COL8A1: variants seen among roughly 807,000 people sequenced by gnomAD.
COL8A1 encodes collagen alpha-1(VIII) chain.
Under a neutral mutation model 42.7 loss-of-function variants are expected in COL8A1, and 21 were observed. That is an observed-to-expected ratio of 0.49 (90% CI 0.35 to 0.71). The LOEUF (loss-of-function observed/expected upper bound fraction) is 0.71, where lower values mean the gene tolerates loss of function less well. Among genes scored for constraint, COL8A1 ranks in the 30% least tolerant of loss-of-function variants. The probability of loss-of-function intolerance (pLI) is 0.01; values close to 1 mark genes in which losing one functional copy is unlikely to be tolerated. For missense variants in COL8A1, 788 were observed against 962.4 expected (o/e 0.82, Z 2.40); for synonymous variants, 367 against 369.1 (o/e 0.99, Z 0.06).
chr3:99,765,408 A>G (rs1941445497), intron 2 of COL8A1, among the ~76,000 whole-genome samples: 1 of 152,212 alleles, frequency 6.6e-6, no homozygotes, highest in South Asian at 2.1e-4. Flanking sequence ...GAGAATCCAC[A>G]ATAATGTCGT....
intron 2 of COL8A1, among the ~76,000 whole-genome samples, chr3:99,768,415 A>G (rs1326527536): frequency 6.6e-6 from 1 of 152,214 alleles, no homozygotes; most frequent in Non-Finnish European, 1.5e-5. Context: ...GTATATGGAG[A>G]AATCTCATTT....
At chr3:99,692,262 C>A (rs1223364918) in intron 1 of COL8A1, among the ~76,000 whole-genome samples, 2 of 152,194 alleles carry the variant, frequency 1.3e-5, no homozygotes, top group African/African-American at 4.8e-5. Flanking sequence ...TCCTCAGCAA[C>A]CTGCATTTAC....
intron 1 of COL8A1, among the ~76,000 whole-genome samples, chr3:99,670,091 G>C (rs1938495352): frequency 6.6e-6 from 1 of 152,008 alleles, no homozygotes; most frequent in Non-Finnish European, 1.5e-5. Context: ...TTTTGCCTTG[G>C]TGTGAAATAT....
intron 1 of COL8A1, among the ~76,000 whole-genome samples, chr3:99,707,883 A>G (rs1335073654): frequency 6.6e-6 from 1 of 152,100 alleles, no homozygotes; most frequent in African/African-American, 2.4e-5. Context: ...CAATAACCCC[A>G]TGAGACAGAT....
chr3:99,731,100 T>A (rs1940493364), intron 1 of COL8A1, among the ~76,000 whole-genome samples: 1 of 152,080 alleles, frequency 6.6e-6, no homozygotes, highest in Admixed American at 6.6e-5. Context: ...GCAAGTTTCC[T>A]GCTTTGGAGT....
chr3:99,736,484 A>C (rs924182138), intron 1 of COL8A1, among the ~76,000 whole-genome samples: 1 of 152,022 alleles, frequency 6.6e-6, no homozygotes, highest in African/African-American at 2.4e-5. Context: ...TCATTTCGTT[A>C]TGTACCCAGT....
chr3:99,758,674 G>T (rs1323728217), intron 2 of COL8A1, among the ~76,000 whole-genome samples: 1 of 152,160 alleles, frequency 6.6e-6, no homozygotes, highest in Non-Finnish European at 1.5e-5. Flanking sequence ...TCCATGTAGA[G>T]AAGACTGGGA....
intron 1 of COL8A1, among the ~76,000 whole-genome samples, chr3:99,714,540 T>C (rs1450884774): frequency 6.6e-6 from 1 of 152,100 alleles, no homozygotes; most frequent in Non-Finnish European, 1.5e-5. Context: ...CTATTACAAC[T>C]TAAATATACT....
chr3:99,788,062 C>A (rs1291484940), intron 2 of COL8A1, among the ~76,000 whole-genome samples: 2 of 152,172 alleles, frequency 1.3e-5, no homozygotes, highest in Middle Eastern at 3.2e-3. Context: ...TATAAAGTTA[C>A]CCAAATTTGA....
intron 1 of COL8A1, among the ~76,000 whole-genome samples, chr3:99,706,580 G>A (rs1939684854): frequency 6.6e-6 from 1 of 152,100 alleles, no homozygotes; most frequent in African/African-American, 2.4e-5. Flanking sequence ...GTTACCAAAT[G>A]CCCTTTATCT....
At position 99,794,917 on chromosome 3, in the gene COL8A1, C is replaced by T; in HGVS notation, c.1016C>T (p.Pro339Leu). Reference sequence around the variant, plus strand: ...GGTGGCAAAGGGGAGCAAGGACTGCCAGGGCTACCAGGACCCCCAGGCCTT... The same window carrying T: ...GGTGGCAAAGGGGAGCAAGGACTGCTAGGGCTACCAGGACCCCCAGGCCTT... ...FPGGKGEQGL[P>L]GLPGPPGLPG... Residue 339 changes from proline (P) to leucine (L), a missense_variant, in exon 4 of 4, where the codon CCA becomes CTA. Pro to Leu is a moderately conservative substitution (Grantham distance 98, BLOSUM62 -3). Coordinates refer to ENST00000652472, the MANE Select transcript of COL8A1 (RefSeq NM_020351.4). This position sits in a 1 kb window ranked among gnomAD's most constrained non-coding sequence, Gnocchi z 4.3. The T allele has an allele frequency of 6.3e-7, 1 of 1,596,410 alleles. No homozygotes were observed. Among genetic ancestry groups the T allele is most frequent in the Middle Eastern group, 1.7e-4 (1 of 5,924 alleles).
intron 1 of COL8A1, among the ~76,000 whole-genome samples, chr3:99,663,756 T>C (rs940442564): frequency 6.6e-6 from 1 of 152,156 alleles, no homozygotes; most frequent in African/African-American, 2.4e-5. Context: ...GCATCCCTTA[T>C]TGAAGCCAGG....
intron 1 of COL8A1, among the ~76,000 whole-genome samples, chr3:99,663,395 G>T (rs569758784): frequency 1.3e-4 from 20 of 152,150 alleles, no homozygotes; most frequent in South Asian, 2.1e-4. Context: ...TTGCTCTAGG[G>T]CCTCTCAAAA....
chr3:99,687,271 T>G (rs1022125675), intron 1 of COL8A1, among the ~76,000 whole-genome samples: 2 of 152,220 alleles, frequency 1.3e-5, no homozygotes, highest in Admixed American at 6.5e-5. Context: ...TTTTTGACAT[T>G]AGACAAGTCA....
At chr3:99,712,493 A>G (rs1041851429) in intron 1 of COL8A1, among the ~76,000 whole-genome samples, 2 of 152,164 alleles carry the variant, frequency 1.3e-5, no homozygotes, top group African/African-American at 4.8e-5. Context: ...CATGATTTAT[A>G]GGCCCTGAAT....
chr3:99,671,910 A>G (rs1200531313), intron 1 of COL8A1, among the ~76,000 whole-genome samples: 1 of 152,104 alleles, frequency 6.6e-6, no homozygotes, highest in Admixed American at 6.6e-5. Flanking sequence ...AGATATAGAC[A>G]TCAAATTTTG....
At chr3:99,726,892 C>T (rs1049604580) in intron 1 of COL8A1, among the ~76,000 whole-genome samples, 16 of 151,944 alleles carry the variant, frequency 1.1e-4, no homozygotes, top group African/African-American at 2.4e-4. Flanking sequence ...CTTGGCGATG[C>T]GGGCTCTTTT....
intron 1 of COL8A1, among the ~76,000 whole-genome samples, chr3:99,674,014 A>C (rs1938618751): frequency 6.6e-6 from 1 of 152,124 alleles, no homozygotes; most frequent in Admixed American, 6.6e-5. Flanking sequence ...TTGCACAGAC[A>C]TCTCCATAAC....
At chr3:99,761,776 G>A (rs116476528) in intron 2 of COL8A1, among the ~76,000 whole-genome samples, 3,421 of 152,206 alleles carry the variant, frequency 0.022, 67 homozygotes, top group Middle Eastern at 0.051. Context: ...AACATGAAAA[G>A]AAGAAAACAG....
Sources: allele counts gnomAD v4.1 joint callset (sites outside exome capture counted in the v4.1 genomes callset), GRCh38; gene constraint gnomAD v4.1.1; non-coding constraint Gnocchi (gnomAD v3.1); transcripts MANE v1.5; gene names NCBI Gene and HGNC (gene_info 2026-07-23, HGNC 2026-07-21).